Variants in SORCS1 observed in about 807,000 individuals in gnomAD.
The protein encoded by SORCS1 is VPS10 domain-containing receptor SorCS1.
Under a neutral mutation model 146.1 loss-of-function variants are expected in SORCS1, and 60 were observed. The observed-to-expected ratio is 0.41, with a 90% CI of 0.33 to 0.51. The LOEUF (loss-of-function observed/expected upper bound fraction) is 0.51. Ranked by LOEUF, SORCS1 falls within the 20% of genes least tolerant of loss-of-function variation. SORCS1 has a pLI of 0.21. For synonymous variants in SORCS1, 637 were observed against 584.0 expected (o/e 1.09, Z -1.31); for missense variants, 1,352 against 1,487.6 (o/e 0.91, Z 1.50).
chr10:107,105,883 C>T (rs186182416), intron 1 of SORCS1, among the ~76,000 whole-genome samples: 56 of 152,192 alleles, frequency 3.7e-4, no homozygotes, highest in Admixed American at 5.9e-4. Flanking sequence ...ATAAAAAGTT[C>T]TTGTGGTAGG....
At chr10:106,700,719 C>A (rs1854077852) in intron 8 of SORCS1, among the ~76,000 whole-genome samples, 1 of 152,088 alleles carries the variant, frequency 6.6e-6, no homozygotes, top group South Asian at 2.1e-4. Flanking sequence ...CGTGTAGGAA[C>A]AAGACTCCCT....
At position 106,577,367 on chromosome 10, in the gene SORCS1, G is replaced by T. The variant is rs766457443; in HGVS notation, c.*53C>A. ...TCATGAAGGATGATGTACTTGACAA[G>T]AGCGAAATTCTTTCCTGATCAGCAG... is the stretch of plus-strand genomic sequence containing the variant. On this transcript the variant is annotated 3_prime_UTR_variant, in exon 26 of 26. Transcript: ENST00000263054. The T allele has an allele frequency of 2.5e-6, 4 of 1,612,668 alleles. No individual in the cohort carries two copies. The highest frequency in any genetic ancestry group is 3.3e-5 in the Admixed American group (2 of 59,930).
At chr10:106,999,913 G>A (rs918775771) in intron 1 of SORCS1, among the ~76,000 whole-genome samples, 1 of 148,404 alleles carries the variant, frequency 6.7e-6, no homozygotes, top group Non-Finnish European at 1.5e-5. Flanking sequence ...CCTGGATCAT[G>A]GTTTGTTGTT....
intron 2 of SORCS1, among the ~76,000 whole-genome samples, chr10:106,912,056 T>C (rs1952187217): frequency 6.8e-6 from 1 of 148,086 alleles, no homozygotes; most frequent in African/African-American, 2.5e-5. Flanking sequence ...GAGCTTACAG[T>C]GAGCTGAGAT....
intron 1 of SORCS1, among the ~76,000 whole-genome samples, chr10:107,134,112 T>G (rs1230851963): frequency 6.6e-6 from 1 of 152,176 alleles, no homozygotes; most frequent in Non-Finnish European, 1.5e-5. Context: ...AGGGTCTTCC[T>G]GGCCCTGGGA....
intron 2 of SORCS1, among the ~76,000 whole-genome samples, chr10:106,831,192 A>C (rs1269985348): frequency 1.3e-5 from 2 of 151,960 alleles, no homozygotes; most frequent in East Asian, 3.9e-4. Flanking sequence ...CCAGAGCAAG[A>C]CTCCATCTCA....
At chr10:106,866,801 G>A (rs1166155343) in intron 2 of SORCS1, among the ~76,000 whole-genome samples, 1 of 152,206 alleles carries the variant, frequency 6.6e-6, no homozygotes, top group Non-Finnish European at 1.5e-5. Context: ...TAAAAACGCT[G>A]CAGAAAACCT....
intron 3 of SORCS1, among the ~76,000 whole-genome samples, chr10:106,825,130 T>C (rs1213587023): frequency 6.6e-6 from 1 of 152,078 alleles, no homozygotes. Context: ...ACGATCCTTG[T>C]GAAGGGAGAA....
rs1010275353 is a variant in SORCS1 at position 106,888,969 on chromosome 10, A to G, written c.627-59296T>C. ...TAGAAAGGTTTATGTGACACAAAAA[A>G]CTACTGGGAATAAAGATGTGAAAAA... On this transcript the variant is annotated intron_variant, in intron 2 of 25. Transcript: ENST00000263054. Among the ~76,000 whole-genome samples the G allele has an allele frequency of 2.6e-5, 4 of 152,320 alleles. No individual in the cohort carries two copies. The East Asian group carries it at 7.7e-4, about 29-fold the overall frequency.
In SORCS1 at chr10:106,597,309, T is replaced by A. The variant is rs527526439; in HGVS notation, c.3265+42A>T. 3.5e-5 allele frequency: 53 copies of A among 1,535,892 alleles called. No individual in the cohort carries two copies. In the South Asian group the frequency reaches 5.4e-4, roughly 16 times the overall value. On this transcript the variant is annotated intron_variant, in intron 24 of 25. Transcript: ENST00000263054. Reference sequence around the variant, plus strand: ...AGGAAGCACGGACTAGGATTCCCTTTGCCAGAGCCACCAGCCAGAACCCCG... The same window carrying A: ...AGGAAGCACGGACTAGGATTCCCTTAGCCAGAGCCACCAGCCAGAACCCCG...
intron 1 of SORCS1, among the ~76,000 whole-genome samples, chr10:107,027,776 T>C (rs1437371846): frequency 6.6e-6 from 1 of 152,124 alleles, no homozygotes; most frequent in Non-Finnish European, 1.5e-5. Context: ...TACTTGAGAC[T>C]CCAAACACAA....
chr10:106,757,270 T>G, intron 5 of SORCS1, among the ~76,000 whole-genome samples: 1 of 152,180 alleles, frequency 6.6e-6, no homozygotes, highest in East Asian at 1.9e-4. Flanking sequence ...ATTTCTTCTC[T>G]AGGGAAATTC....
chr10:106,867,877 A>G (rs1238797040), intron 2 of SORCS1, among the ~76,000 whole-genome samples: 1 of 152,200 alleles, frequency 6.6e-6, no homozygotes, highest in Non-Finnish European at 1.5e-5. Flanking sequence ...TTGAATGTAA[A>G]CTGGCTAAAT....
intron 24 of SORCS1, among the ~76,000 whole-genome samples, chr10:106,581,322 T>C (rs72821132): frequency 0.053 from 7,608 of 142,516 alleles, 372 homozygotes; most frequent in Non-Finnish European, 0.079. Context: ...TCGTCATACA[T>C]ACACACACAC....
chr10:106,998,393 T>G (rs957466675), intron 1 of SORCS1, among the ~76,000 whole-genome samples: 1 of 152,242 alleles, frequency 6.6e-6, no homozygotes, highest in Non-Finnish European at 1.5e-5. Context: ...TCTTTCATTT[T>G]TTTGATGTTC....
intron 1 of SORCS1, among the ~76,000 whole-genome samples, chr10:107,066,929 A>T (rs1961927744): frequency 6.6e-6 from 1 of 152,222 alleles, no homozygotes; most frequent in Non-Finnish European, 1.5e-5. Flanking sequence ...TAGAGGTGGG[A>T]TTATCACAGA....
intron 20 of SORCS1, among the ~76,000 whole-genome samples, chr10:106,618,988 C>T (rs1847564032): frequency 6.6e-6 from 1 of 152,180 alleles, no homozygotes; most frequent in Non-Finnish European, 1.5e-5. Context: ...TGACACACTC[C>T]TCACAAACAT....
intron 19 of SORCS1, among the ~76,000 whole-genome samples, chr10:106,623,352 C>G (rs1847874830): frequency 6.6e-6 from 1 of 151,504 alleles, no homozygotes; most frequent in Non-Finnish European, 1.5e-5. Flanking sequence ...AAGCAATCCT[C>G]CTGCCTCAGT....
At chr10:106,851,227 C>G (rs1178577258) in intron 2 of SORCS1, among the ~76,000 whole-genome samples, 1 of 151,930 alleles carries the variant, frequency 6.6e-6, no homozygotes, top group Non-Finnish European at 1.5e-5. Flanking sequence ...CCATTTTTTT[C>G]ATAGATTGTG....
Sources: gnomAD v4.1 joint callset for allele counts (sites outside exome capture counted in the v4.1 genomes callset) on GRCh38, gnomAD v4.1.1 for gene constraint, MANE v1.5 for transcripts, NCBI Gene and HGNC (gene_info 2026-07-23, HGNC 2026-07-21) for gene names.